Variants in XKR4 observed in about 807,000 individuals in gnomAD.
XKR4 encodes the protein XK-related protein 4.
In XKR4, 12 loss-of-function variants were observed where a neutral mutation model predicts 53.9. The ratio of observed to expected loss-of-function variants is 0.22; its 90% confidence interval spans 0.14 to 0.36. XKR4 has a LOEUF of 0.36. Among genes scored for constraint, XKR4 ranks in the 10% least tolerant of loss-of-function variants. The probability of loss-of-function intolerance (pLI) is 1.00; values close to 1 mark genes in which losing one functional copy is unlikely to be tolerated. For synonymous variants in XKR4, 354 were observed against 362.4 expected, an observed-to-expected ratio of 0.98 and a Z score of 0.26; for missense variants, 799 against 859.5, an observed-to-expected ratio of 0.93 and a Z score of 0.88.
At chr8:55,384,729 G>A (rs1411987200) in intron 2 of XKR4, among the ~76,000 whole-genome samples, 1 of 152,210 alleles carries the variant, frequency 6.6e-6, no homozygotes, top group East Asian at 1.9e-4. Flanking sequence ...AATGTAAGCT[G>A]TCAAGAAAAC....
At chr8:55,451,996 C>G in intron 2 of XKR4, 1 of 773,806 alleles carries the variant, frequency 1.3e-6, no homozygotes, top group East Asian at 2.5e-5. Context: ...TGCTGCCGCC[C>G]GATGGTCTTC....
At chr8:55,300,063 C>G (rs79910293) in intron 1 of XKR4, among the ~76,000 whole-genome samples, 2 of 152,078 alleles carry the variant, frequency 1.3e-5, no homozygotes, top group Non-Finnish European at 2.9e-5. Flanking sequence ...TGGAGAACCA[C>G]GAATTCATGG....
intron 2 of XKR4, among the ~76,000 whole-genome samples, chr8:55,416,723 A>G (rs1394611147): frequency 6.6e-6 from 1 of 152,224 alleles, no homozygotes; most frequent in Non-Finnish European, 1.5e-5. Flanking sequence ...GCGTTTAGCT[A>G]TATTGTATCT....
chr8:55,385,279 C>G (rs756053411), intron 2 of XKR4, among the ~76,000 whole-genome samples: 2 of 152,144 alleles, frequency 1.3e-5, no homozygotes, highest in African/African-American at 4.8e-5. Flanking sequence ...GCAAAGGCTG[C>G]GGACAGGCTT....
chr8:55,322,815 T>A (rs1462155822), intron 1 of XKR4, among the ~76,000 whole-genome samples: 1 of 152,212 alleles, frequency 6.6e-6, no homozygotes, highest in Non-Finnish European at 1.5e-5. Flanking sequence ...TTCTTTTTGT[T>A]GTAATATAGG....
At chr8:55,131,631 C>T (rs948267098) in intron 1 of XKR4, among the ~76,000 whole-genome samples, 4 of 152,186 alleles carry the variant, frequency 2.6e-5, no homozygotes, top group African/African-American at 7.2e-5. Flanking sequence ...TAACTCAGTG[C>T]GCGATTGACA....
At chr8:55,167,562 G>A (rs1236202932) in intron 1 of XKR4, among the ~76,000 whole-genome samples, 1 of 152,150 alleles carries the variant, frequency 6.6e-6, no homozygotes, top group Non-Finnish European at 1.5e-5. Context: ...ATAGACTTCG[G>A]AAGCAAGACA....
intron 1 of XKR4, among the ~76,000 whole-genome samples, chr8:55,176,319 T>A (rs758207404): frequency 4.9e-4 from 74 of 152,238 alleles, no homozygotes; most frequent in Non-Finnish European, 8.8e-5. Context: ...AAGAGTTCAC[T>A]GTGGGGTTCG....
intron 1 of XKR4, among the ~76,000 whole-genome samples, chr8:55,298,423 A>G (rs189984159): frequency 6.6e-6 from 1 of 152,320 alleles, no homozygotes; most frequent in African/African-American, 2.4e-5. Context: ...CTCTACAAGC[A>G]TGGCACCAGC....
At position 55,102,942 on chromosome 8, in the gene XKR4, G is replaced by A. The variant is rs756999924; in HGVS notation, c.454G>A (p.Val152Met). Residue 152 changes from valine (V) to methionine (M), a missense_variant, in exon 1 of 3, where the codon GTG becomes ATG. By Grantham distance (21) the Val-to-Met change is conservative. Coordinates refer to ENST00000327381, the MANE Select transcript of XKR4 (RefSeq NM_052898.2). This position sits in a 1 kb window ranked among gnomAD's most constrained non-coding sequence, Gnocchi z 5.1. ...RWWFGLTLFFVVLGSLSVQVF... is the reference protein window; with the variant it reads ...RWWFGLTLFFMVLGSLSVQVF... ...GTGGTTCGGGCTCACGCTCTTCTTCGTGGTGCTCGGCTCTCTGTCGGTGCA... is the reference window on the plus strand; with the variant it reads ...GTGGTTCGGGCTCACGCTCTTCTTCATGGTGCTCGGCTCTCTGTCGGTGCA... 6.2e-7 allele frequency: 1 copy of A among 1,611,546 alleles called. No homozygotes were observed. Among genetic ancestry groups the A allele is most frequent in the East Asian group, 2.2e-5 (1 of 44,874 alleles).
intron 1 of XKR4, among the ~76,000 whole-genome samples, chr8:55,350,419 T>C (rs1042652962): frequency 3.9e-5 from 6 of 152,214 alleles, no homozygotes; most frequent in Non-Finnish European, 8.8e-5. Flanking sequence ...CTATGTTGTA[T>C]GGAGGTCTTT....
At chr8:55,396,441 C>T (rs772055896) in intron 2 of XKR4, among the ~76,000 whole-genome samples, 1 of 108,172 alleles carries the variant, frequency 9.2e-6, no homozygotes, top group Non-Finnish European at 1.7e-5. Context: ...ATCAATGTCA[C>T]GGAAAACTTG....
intron 2 of XKR4, among the ~76,000 whole-genome samples, chr8:55,478,109 T>A (rs1806029913): frequency 6.6e-6 from 1 of 151,974 alleles, no homozygotes; most frequent in African/African-American, 2.4e-5. Flanking sequence ...ATTGTCAGAT[T>A]CACCAAAGTT....
intron 1 of XKR4, among the ~76,000 whole-genome samples, chr8:55,216,504 GAT>G (rs988308721): frequency 1.6e-4 from 24 of 152,196 alleles, no homozygotes; most frequent in African/African-American, 5.8e-4. Flanking sequence ...AAGGCGGGCT[GAT>G]CACCTGAGGT....
chr8:55,289,721 AAG>A (rs1282845060), intron 1 of XKR4, among the ~76,000 whole-genome samples: 12 of 54,832 alleles, frequency 2.2e-4, no homozygotes, highest in Non-Finnish European at 5.5e-4. Context: ...AAGAGAGAGA[AAG>A]AGAAAGAAAG....
intron 1 of XKR4, among the ~76,000 whole-genome samples, chr8:55,221,936 G>A (rs1817887104): frequency 6.6e-6 from 1 of 152,184 alleles, no homozygotes; most frequent in Non-Finnish European, 1.5e-5. Flanking sequence ...TAGACACAGA[G>A]TAGATTCTCT....
intron 1 of XKR4, among the ~76,000 whole-genome samples, chr8:55,170,567 G>T (rs12549685): frequency 0.029 from 4,346 of 152,250 alleles, 163 homozygotes; most frequent in East Asian, 0.12. Context: ...CTACAGAGCT[G>T]TAAGCAAAGT....
intron 2 of XKR4, among the ~76,000 whole-genome samples, chr8:55,366,878 G>A (rs1803996594): frequency 6.6e-6 from 1 of 152,058 alleles, no homozygotes; most frequent in South Asian, 2.1e-4. Context: ...AAACAAACAT[G>A]CTGTAATCAA....
At chr8:55,504,206 T>TGTTTTGTTTG in intron 2 of XKR4, among the ~76,000 whole-genome samples, 1 of 151,512 alleles carries the variant, frequency 6.6e-6, no homozygotes, top group East Asian at 1.9e-4. Flanking sequence ...TGTTTTGTTT[T>TGTTTTGTTTG]GTTTTGTTTT....
Sources: allele counts gnomAD v4.1 joint callset (sites outside exome capture counted in the v4.1 genomes callset), GRCh38; gene constraint gnomAD v4.1.1; non-coding constraint Gnocchi (gnomAD v3.1); transcripts MANE v1.5; gene names NCBI Gene and HGNC (gene_info 2026-07-23, HGNC 2026-07-21).